TMEM125: variants seen among roughly 807,000 people sequenced by gnomAD.
The protein encoded by TMEM125 is transmembrane protein 125.
Under a neutral mutation model 8.7 loss-of-function variants are expected in TMEM125, and 11 were observed. The ratio of observed to expected loss-of-function variants is 1.26; its 90% CI spans 0.79 to 2.08. TMEM125 has a LOEUF of 2.08. Among genes scored for constraint, TMEM125 ranks in the 30% most tolerant of loss-of-function variants. TMEM125 has a pLI of 0.00. For synonymous variants in TMEM125, 144 were observed against 146.1 expected, an observed-to-expected ratio of 0.99 and a Z score of 0.10; for missense variants, 270 against 302.4, an observed-to-expected ratio of 0.89 and a Z score of 0.79.
At chr1:43,270,649 G>A (rs1646484584) in intron 1 of TMEM125, 32 bp from the exon 2 acceptor site, 1 of 152,828 alleles carries the variant, frequency 6.5e-6, no homozygotes, top group Non-Finnish European at 1.5e-5. Flanking sequence ...CCCTGCCCTG[G>A]AAACGACACC....
chr1:43,270,159 G>A (rs1267111570), intron 1 of TMEM125, 74 bp downstream of exon 1: 1 of 152,756 alleles, frequency 6.5e-6, no homozygotes, highest in Non-Finnish European at 1.5e-5. Context: ...TTGGCGTTGG[G>A]TTTGGGGGCT....
rs145487215 is a variant in TMEM125 at position 43,273,023 on chromosome 1, C to T, written c.301C>T (p.His101Tyr). 8 of 1,612,524 alleles carry T rather than the reference C, an allele frequency of 5.0e-6. 1 individual carries two copies. The highest frequency in any genetic ancestry group is 5.9e-6 in the Non-Finnish European group (7 of 1,179,058). Residue 101 changes from histidine (H) to tyrosine (Y), a missense_variant, in exon 4 of 4, where the codon CAC (histidine) becomes TAC (tyrosine). This residue lies in a region of TMEM125 where 215 missense variants were observed against 216.5 expected (regional missense o/e 0.99). Coordinates refer to ENST00000439858, the MANE Select transcript of TMEM125 (RefSeq NM_144626.3). The part of the protein sequence containing the change: ...VQDMNCIRQA[H>Y]HVALLRSGGG... ...GGACATGAACTGCATCCGCCAGGCCCACCATGTGGCCCTGCTGCGCAGTGG... is the reference window on the plus strand; with the variant it reads ...GGACATGAACTGCATCCGCCAGGCCTACCATGTGGCCCTGCTGCGCAGTGG...
chr1:43,272,575 C>T lies in TMEM125; in HGVS notation c.-145-3C>T, dbSNP rs149421239. 194 of 646,782 alleles carry T rather than the reference C, an allele frequency of 3.0e-4. 1 individual carries two copies. In the African/African-American group the frequency reaches 3.2e-3, roughly 11 times the overall value. The allele number at this position is 646,782 out of a possible 1,614,324, so 40.1% of individuals were successfully genotyped here. A position where few individuals can be genotyped will look rare whatever the true frequency, so the allele number is the denominator to read the frequency against. The stretch of plus-strand genomic sequence containing the variant: ...AGGTAAGACTGTGATCCTTCCCCTA[C>T]AGGTGAGGGTGACCATATCCTGGAC... On this transcript the variant is annotated splice_region_variant and splice_polypyrimidine_tract_variant and intron_variant, in intron 3 of 3. Transcript: ENST00000439858. The surrounding 1 kb of genome is among the most constrained non-coding windows in gnomAD (Gnocchi z 5.0).
chr1:43,272,754 G>GC lies in TMEM125; in HGVS notation c.34dup (p.Arg12ProfsTer54), dbSNP rs1476281639. 4.0e-6 allele frequency: 6 copies of GC among 1,516,544 alleles called. No homozygotes were observed. Among genetic ancestry groups the GC allele is most frequent in the Non-Finnish European group, 5.3e-6 (6 of 1,132,972 alleles). The allele number at this position is 1,516,544 out of a possible 1,614,324, so 93.9% of individuals were successfully genotyped here. A position where few individuals can be genotyped will look rare whatever the true frequency, so the allele number is the denominator to read the frequency against. ...GAACAGGAGGCTCAAGCCCCAGGGG[G>GC]CCGGGGGCTGCCCCCGGACATGCTG... On this transcript the variant is annotated frameshift_variant, in exon 4 of 4. Coordinates refer to ENST00000439858, the MANE Select transcript of TMEM125 (RefSeq NM_144626.3). LOFTEE classifies it high-confidence loss of function. This position sits in a 1 kb window ranked among gnomAD's most constrained non-coding sequence, Gnocchi z 5.0.
rs779925429 is a variant in TMEM125, at chr1:43,273,345, G to C, written c.623G>C (p.Arg208Pro). 1 of 1,611,704 alleles carries C rather than the reference G, an allele frequency of 6.2e-7. No individual in the cohort carries two copies. Among genetic ancestry groups the C allele is most frequent in the African/African-American group, 1.3e-5 (1 of 75,016 alleles). ...TCAGGACAGTTGTCTGCTGGCCGGC[G>C]TCACGAGACCACATCCAGCATTGCC... is the stretch of plus-strand genomic sequence containing the variant. Reference protein sequence around the residue: ...SISGQLSAGRRHETTSSIASL... With the variant: ...SISGQLSAGRPHETTSSIASL... The change falls in exon 4 of 4, where the codon CGT (arginine) becomes CCT (proline). Residue 208 changes from arginine (R) to proline (P), a missense_variant. This residue lies in a region of TMEM125 where 52 missense variants were observed against 69.4 expected (regional missense o/e 0.75). Coordinates refer to ENST00000439858, the MANE Select transcript of TMEM125 (RefSeq NM_144626.3).
At position 43,272,603 on chromosome 1, in the gene TMEM125, T is replaced by G; in HGVS notation, c.-120T>G. 3.5e-6 allele frequency: 3 copies of G among 868,726 alleles called. No individual in the cohort carries two copies. The highest frequency in any genetic ancestry group is 4.9e-6 in the Non-Finnish European group (3 of 609,920). The allele number at this position is 868,726 out of a possible 1,614,324, so 53.8% of individuals were successfully genotyped here. A position where few individuals can be genotyped will look rare whatever the true frequency, so the allele number is the denominator to read the frequency against. ...GTGAGGGTGACCATATCCTGGACTG[T>G]GAGAGGAATGGGACTCTGGGCCTGT... On this transcript the variant is annotated 5_prime_UTR_variant, in exon 4 of 4. Transcript: ENST00000439858. This position sits in a 1 kb window ranked among gnomAD's most constrained non-coding sequence, Gnocchi z 5.0.
rs1186269027 is a variant in TMEM125, at chr1:43,273,258, T to C, written c.536T>C (p.Ile179Thr). 6 of 1,614,012 alleles carry C rather than the reference T, an allele frequency of 3.7e-6. No homozygotes were observed. The African/African-American group carries it at 8.0e-5, about 22-fold the overall frequency. Residue 179 changes from isoleucine (I) to threonine (T), a missense_variant, in exon 4 of 4, where the codon ATC (isoleucine) becomes ACC (threonine). Around this residue, in one of 3 missense-constraint regions of TMEM125, gnomAD observed 52 missense variants for 69.4 expected, o/e 0.75. Transcript: ENST00000439858. ...QVGVSGHCPSICMATPSTHSG... is the reference protein window; with the variant it reads ...QVGVSGHCPSTCMATPSTHSG... The stretch of plus-strand genomic sequence containing the variant: ...GGTGTGAGCGGACACTGCCCCTCCA[T>C]CTGTATGGCCACTCCCTCCACCCAC...
chr1:43,271,327 GACGA>G lies in TMEM125; in HGVS notation c.-302+537_-302+540del, dbSNP rs545084832. ...AGACAAGGAGACTGAGGCTCTAAGA[GACGA>G]ACCATTCAGGCTTCCTGGCCCCTCC... On this transcript the variant is annotated intron_variant, in intron 2 of 3. Transcript: ENST00000439858. The surrounding 1 kb of genome is among the most constrained non-coding windows in gnomAD (Gnocchi z 4.9). Among the ~76,000 whole-genome samples, 1 of 152,188 alleles carries G rather than the reference GACGA, an allele frequency of 6.6e-6. No homozygotes were observed. The highest frequency in any genetic ancestry group is 6.5e-5 in the Admixed American group (1 of 15,286).
rs1441840139 is a variant in TMEM125, at chr1:43,273,327, A to G, written c.605A>G (p.Gln202Arg). 6.8e-6 allele frequency: 11 copies of G among 1,612,962 alleles called. No homozygotes were observed. Among genetic ancestry groups the G allele is most frequent in the Non-Finnish European group, 9.3e-6 (11 of 1,179,168 alleles). The stretch of plus-strand genomic sequence containing the variant: ...GGCAGCATCTTCAGCATCTCAGGAC[A>G]GTTGTCTGCTGGCCGGCGTCACGAG... ...GHGSIFSISGQLSAGRRHETT... is the reference protein window; with the variant it reads ...GHGSIFSISGRLSAGRRHETT... The change falls in exon 4 of 4, where the codon CAG becomes CGG. Residue 202 changes from glutamine to arginine, a missense_variant. Coordinates refer to ENST00000439858, the MANE Select transcript of TMEM125 (RefSeq NM_144626.3).
rs533399731 is a variant in TMEM125 at position 43,273,072 on chromosome 1, T to C, written c.350T>C (p.Val117Ala). 4 of 1,610,342 alleles carry C rather than the reference T, an allele frequency of 2.5e-6. No homozygotes were observed. In the East Asian group the frequency reaches 8.9e-5, roughly 36 times the overall value. ...RSGGGADALV[V>A]LLSGLVLLVT... ...GGTGGAGGGGCCGACGCCCTCGTGG[T>C]GCTGCTCAGTGGCCTCGTGCTGCTG... is the stretch of plus-strand genomic sequence containing the variant. Residue 117 changes from valine to alanine, a missense_variant, in exon 4 of 4, where the codon GTG (valine) becomes GCG (alanine). This residue lies in a region of TMEM125 where 215 missense variants were observed against 216.5 expected (regional missense o/e 0.99). Transcript: ENST00000439858.
In TMEM125 at chr1:43,273,294, G is replaced by GC; in HGVS notation, c.573dup (p.Gly192ArgfsTer51). The stretch of plus-strand genomic sequence containing the variant: ...ACTCCCTCCACCCACAGTGGCCATG[G>GC]CGGCCATGGCAGCATCTTCAGCATC... On this transcript the variant is annotated frameshift_variant, in exon 4 of 4. Transcript: ENST00000439858. LOFTEE classifies it high-confidence loss of function. 6.2e-7 allele frequency: 1 copy of GC among 1,614,076 alleles called. No homozygotes were observed. The highest frequency in any genetic ancestry group is 8.5e-7 in the Non-Finnish European group (1 of 1,179,982).
chr1:43,272,909 T>G lies in TMEM125; in HGVS notation c.187T>G (p.Ser63Ala). ...VALLSTTSSR[S>A]GEWRLATGTV... ...ACTGCTGTCAACCACCAGCAGCCGC[T>G]CAGGTGAATGGCGGCTAGCAACGGG... The change falls in exon 4 of 4, where the codon TCA becomes GCA. Residue 63 changes from serine to alanine, a missense_variant. Physicochemically the swap from Ser to Ala is moderately conservative, Grantham distance 99 (BLOSUM62 1). Around this residue, in one of 3 missense-constraint regions of TMEM125, gnomAD observed 215 missense variants for 216.5 expected, o/e 0.99. Transcript: ENST00000439858. The surrounding 1 kb of genome is among the most constrained non-coding windows in gnomAD (Gnocchi z 5.0). 4 of 1,595,976 alleles carry G rather than the reference T, an allele frequency of 2.5e-6. No homozygotes were observed. In the South Asian group the frequency reaches 3.4e-5, roughly 13 times the overall value.
rs1341627297 is a variant in TMEM125 at position 43,272,673 on chromosome 1, C to T, written c.-50C>T. 1 of 1,443,158 alleles carries T rather than the reference C, an allele frequency of 6.9e-7. No individual in the cohort carries two copies. The highest frequency in any genetic ancestry group is 9.1e-7 in the Non-Finnish European group (1 of 1,100,626). The allele number at this position is 1,443,158 out of a possible 1,614,324, so 89.4% of individuals were successfully genotyped here. A position where few individuals can be genotyped will look rare whatever the true frequency, so the allele number is the denominator to read the frequency against. ...GGTGCTCCAGGCTGTGATCTGAACCCTCTGACCCCTGACATTGACCTCCTA... is the reference window on the plus strand; with the variant it reads ...GGTGCTCCAGGCTGTGATCTGAACCTTCTGACCCCTGACATTGACCTCCTA... On this transcript the variant is annotated 5_prime_UTR_variant, in exon 4 of 4. Coordinates refer to ENST00000439858, the MANE Select transcript of TMEM125 (RefSeq NM_144626.3). The surrounding 1 kb of genome is among the most constrained non-coding windows in gnomAD (Gnocchi z 5.0).
intron 1 of TMEM125, chr1:43,270,437 C>G (rs1255081031): frequency 6.6e-6 from 1 of 152,128 alleles, no homozygotes; most frequent in African/African-American, 2.4e-5. Flanking sequence ...GGTTTTGAAG[C>G]TGGAGCTAAA....
At position 43,271,065 on chromosome 1, in the gene TMEM125, G is replaced by A. The variant is rs893038699; in HGVS notation, c.-302+272G>A. 8 of 152,256 alleles carry A rather than the reference G, an allele frequency of 5.3e-5. No individual in the cohort carries two copies. The highest frequency in any genetic ancestry group is 7.3e-5 in the Non-Finnish European group (5 of 68,110). 9.4% of individuals were successfully genotyped at this position (152,256 alleles called of 1,614,324 possible). ...GCCTCTGCAGAGGAGTCTCCGGGAG[G>A]ACAGATACCTCGTCAGGATGTAACC... On this transcript the variant is annotated intron_variant, in intron 2 of 3. Coordinates refer to ENST00000439858, the MANE Select transcript of TMEM125 (RefSeq NM_144626.3). The surrounding 1 kb of genome is among the most constrained non-coding windows in gnomAD (Gnocchi z 4.9).
Position 43,272,301 on chromosome 1 carries a change from G to A in TMEM125, c.-184G>A, listed in dbSNP as rs3795726. The A allele has an allele frequency of 0.055, 8,788 of 158,844 alleles. 489 individuals carry two copies. Among genetic ancestry groups the A allele is most frequent in the East Asian group, 0.18 (989 of 5,416 alleles). The allele number at this position is 158,844 out of a possible 1,614,324, so 9.8% of individuals were successfully genotyped here. ...GTGGCACCAGCTCCCTCAGCCAGCC[G>A]GGATGGGACCAGCGACTGAGAGAGC... On this transcript the variant is annotated 5_prime_UTR_variant, in exon 3 of 4. Coordinates refer to ENST00000439858, the MANE Select transcript of TMEM125 (RefSeq NM_144626.3). The surrounding 1 kb of genome is among the most constrained non-coding windows in gnomAD (Gnocchi z 5.0).
Position 43,272,836 on chromosome 1 carries a change from C to T in TMEM125, c.114C>T (p.Phe38=), listed in dbSNP as rs746009988. 18 of 1,574,432 alleles carry T rather than the reference C, an allele frequency of 1.1e-5. No individual in the cohort carries two copies. Among genetic ancestry groups the T allele is most frequent in the Admixed American group, 3.6e-5 (2 of 55,296 alleles). ...SQQPRRSALC[F]VVAVGLVAGC... is the part of the protein sequence containing the mutation. ...AGCCGCGGCGCTCGGCGCTCTGCTT[C>T]GTCGTGGCCGTGGGCCTCGTGGCAG... The change falls in exon 4 of 4, where the codon TTC becomes TTT. Residue 38 remains phenylalanine (F), a synonymous_variant. Coordinates refer to ENST00000439858, the MANE Select transcript of TMEM125 (RefSeq NM_144626.3). The surrounding 1 kb of genome is among the most constrained non-coding windows in gnomAD (Gnocchi z 5.0).
rs373367651 is a variant in TMEM125, at chr1:43,272,768, C to T, written c.46C>T (p.Pro16Ser). 1.9e-5 allele frequency: 29 copies of T among 1,525,962 alleles called. No individual in the cohort carries two copies. Among genetic ancestry groups the T allele is most frequent in the Non-Finnish European group, 2.6e-5 (29 of 1,136,136 alleles). 94.5% of individuals were successfully genotyped at this position (1,525,962 alleles called of 1,614,324 possible). A position where few individuals can be genotyped will look rare whatever the true frequency, so the allele number is the denominator to read the frequency against. The change falls in exon 4 of 4, where the codon CCG becomes TCG. Residue 16 changes from proline (P) to serine (S), a missense_variant. This residue lies in a region of TMEM125 where 215 missense variants were observed against 216.5 expected (regional missense o/e 0.99). Coordinates refer to ENST00000439858, the MANE Select transcript of TMEM125 (RefSeq NM_144626.3). This position sits in a 1 kb window ranked among gnomAD's most constrained non-coding sequence, Gnocchi z 5.0. Reference sequence around the variant, plus strand: ...AGCCCCAGGGGGCCGGGGGCTGCCCCCGGACATGCTGGCAGAGCAGGTGGA... The same window carrying T: ...AGCCCCAGGGGGCCGGGGGCTGCCCTCGGACATGCTGGCAGAGCAGGTGGA... ...AQAPGGRGLPPDMLAEQVELW... is the reference protein window; with the variant it reads ...AQAPGGRGLPSDMLAEQVELW...
In TMEM125 at chr1:43,272,030, G is replaced by T. The variant is rs528531742; in HGVS notation, c.-301-154G>T. 6.6e-6 allele frequency among the ~76,000 whole-genome samples: 1 copy of T among 152,252 alleles called. No homozygotes were observed. The highest frequency in any genetic ancestry group is 1.5e-5 in the Non-Finnish European group (1 of 68,014). On this transcript the variant is annotated intron_variant, in intron 2 of 3. Coordinates refer to ENST00000439858, the MANE Select transcript of TMEM125 (RefSeq NM_144626.3). The surrounding 1 kb of genome is among the most constrained non-coding windows in gnomAD (Gnocchi z 5.0). ...TATATTACCAAACTCATGGCTGTGA[G>T]ATTGGATGGGATGTTAGGGGAGGGA...
Sources: allele counts gnomAD v4.1 joint callset (sites outside exome capture counted in the v4.1 genomes callset), GRCh38; gene constraint gnomAD v4.1.1; regional missense constraint gnomAD v4.1.1; non-coding constraint Gnocchi (gnomAD v3.1); transcripts MANE v1.5; gene names NCBI Gene and HGNC (gene_info 2026-07-23, HGNC 2026-07-21).